Variants in CLSTN2 observed in about 807,000 individuals in gnomAD.
CLSTN2 encodes calsyntenin 2.
Under a neutral mutation model 101.2 loss-of-function variants are expected in CLSTN2, and 48 were observed. The observed-to-expected ratio is 0.47, with a 90% CI of 0.38 to 0.60. CLSTN2 has a LOEUF of 0.60. Among genes scored for constraint, CLSTN2 ranks in the 20% least tolerant of loss-of-function variants. CLSTN2 has a pLI of 0.00. For synonymous variants in CLSTN2, 481 were observed against 463.6 expected (o/e 1.04, Z -0.48); for missense variants, 1,160 against 1,238.2 (o/e 0.94, Z 0.95).
intron 1 of CLSTN2, among the ~76,000 whole-genome samples, chr3:139,972,011 C>T (rs139287321): frequency 1.3e-5 from 2 of 152,264 alleles, no homozygotes; most frequent in East Asian, 3.9e-4. Context: ...TGCCTGTAAT[C>T]CCAGTACTTT....
At chr3:140,418,096 C>A (rs2088451011) in intron 4 of CLSTN2, among the ~76,000 whole-genome samples, 1 of 151,900 alleles carries the variant, frequency 6.6e-6, no homozygotes, top group Non-Finnish European at 1.5e-5. Flanking sequence ...AGAGGAGTAT[C>A]TTTTGAGGGC....
At chr3:140,208,893 G>A (rs1458873614) in intron 2 of CLSTN2, among the ~76,000 whole-genome samples, 1 of 152,076 alleles carries the variant, frequency 6.6e-6, no homozygotes, top group African/African-American at 2.4e-5. Context: ...TGACACATAG[G>A]AAGAGCTCAG....
chr3:140,448,808 T>A, intron 6 of CLSTN2, 104 bp downstream of exon 6: 2 of 984,928 alleles, frequency 2.0e-6, no homozygotes, highest in Non-Finnish European at 3.1e-6. Flanking sequence ...CCTCCCTTCC[T>A]GCACTGATAT....
chr3:140,055,993 G>C (rs1420178131), intron 1 of CLSTN2, among the ~76,000 whole-genome samples: 1 of 152,176 alleles, frequency 6.6e-6, no homozygotes, highest in East Asian at 1.9e-4. Flanking sequence ...CTTTGAGGAG[G>C]CTGGATTGGA....
intron 2 of CLSTN2, among the ~76,000 whole-genome samples, chr3:140,305,126 C>T (rs1409241654): frequency 6.6e-6 from 1 of 151,736 alleles, no homozygotes; most frequent in African/African-American, 2.4e-5. Context: ...TCCTCCTGTT[C>T]CCTCTTTAGT....
chr3:140,565,459 G>T (rs2107795741), intron 16 of CLSTN2, among the ~76,000 whole-genome samples: 1 of 152,168 alleles, frequency 6.6e-6, no homozygotes, highest in Non-Finnish European at 1.5e-5. Context: ...GAGGGAGGGG[G>T]AATTGGACTG....
intron 2 of CLSTN2, among the ~76,000 whole-genome samples, chr3:140,282,053 G>A (rs1452902708): frequency 6.6e-6 from 1 of 152,064 alleles, no homozygotes; most frequent in Non-Finnish European, 1.5e-5. Flanking sequence ...GTGTGTATAG[G>A]GTAGATAGGT....
At chr3:140,420,160 C>T (rs963027167) in intron 4 of CLSTN2, among the ~76,000 whole-genome samples, 46 of 151,930 alleles carry the variant, frequency 3.0e-4, no homozygotes, top group African/African-American at 1.1e-3. Context: ...TTCCAAAGTG[C>T]TGGGATTACA....
At chr3:140,410,140 G>A (rs2088346997) in intron 4 of CLSTN2, among the ~76,000 whole-genome samples, 1 of 152,030 alleles carries the variant, frequency 6.6e-6, no homozygotes, top group Non-Finnish European at 1.5e-5. Context: ...AAGGCATACT[G>A]GTGGATATGT....
At chr3:140,444,577 G>T (rs148525989) in intron 5 of CLSTN2, among the ~76,000 whole-genome samples, 11 of 152,352 alleles carry the variant, frequency 7.2e-5, no homozygotes, top group African/African-American at 2.2e-4. Flanking sequence ...TTGGCACCTT[G>T]TCAGTGCTTA....
chr3:140,133,073 C>T (rs2009546362), intron 1 of CLSTN2, among the ~76,000 whole-genome samples: 1 of 152,152 alleles, frequency 6.6e-6, no homozygotes, highest in African/African-American at 2.4e-5. Flanking sequence ...ATGGCACCAG[C>T]ATCTGTTCAG....
chr3:140,558,007 A>G (rs1048982974), intron 11 of CLSTN2, among the ~76,000 whole-genome samples: 10 of 152,242 alleles, frequency 6.6e-5, no homozygotes, highest in Admixed American at 2.6e-4. Flanking sequence ...GGTTCACAGG[A>G]GTCAAGTGCC....
chr3:140,117,934 G>A (rs2009273643), intron 1 of CLSTN2, among the ~76,000 whole-genome samples: 1 of 152,146 alleles, frequency 6.6e-6, no homozygotes. Flanking sequence ...TCCTTCTTAG[G>A]CCAGCAATGG....
At chr3:140,548,302 C>A (rs935537114) in intron 10 of CLSTN2, among the ~76,000 whole-genome samples, 5 of 152,266 alleles carry the variant, frequency 3.3e-5, no homozygotes, top group East Asian at 3.8e-4. Context: ...ATTATGAACA[C>A]TAACATTTCC....
chr3:140,431,997 A>G (rs527806977), intron 5 of CLSTN2, among the ~76,000 whole-genome samples: 2 of 152,330 alleles, frequency 1.3e-5, no homozygotes, highest in East Asian at 3.9e-4. Flanking sequence ...AGACACCATC[A>G]TGCAAAAGAA....
chr3:140,083,546 T>G (rs1429813372), intron 1 of CLSTN2, among the ~76,000 whole-genome samples: 1 of 152,248 alleles, frequency 6.6e-6, no homozygotes, highest in Non-Finnish European at 1.5e-5. Flanking sequence ...TTACCATATG[T>G]CTGTCTTTTC....
Position 140,245,778 on chromosome 3 carries a change from G to A in CLSTN2, c.232+69705G>A, listed in dbSNP as rs192939958. 3.6e-4 allele frequency among the ~76,000 whole-genome samples: 55 copies of A among 152,284 alleles called. No individual in the cohort carries two copies. In the East Asian group the frequency reaches 9.9e-3, roughly 27 times the overall value. Reference sequence around the variant, plus strand: ...TTCTGTTGGGACAGTGCCCTGCTCTGATTCAGAAAGGTGCCAGTCTTCCTG... The same window carrying A: ...TTCTGTTGGGACAGTGCCCTGCTCTAATTCAGAAAGGTGCCAGTCTTCCTG... On this transcript the variant is annotated intron_variant, in intron 2 of 16. Coordinates refer to ENST00000458420, the MANE Select transcript of CLSTN2 (RefSeq NM_022131.3).
intron 8 of CLSTN2, among the ~76,000 whole-genome samples, chr3:140,528,012 G>A (rs1163978181): frequency 6.6e-6 from 1 of 152,104 alleles, no homozygotes; most frequent in Non-Finnish European, 1.5e-5. Context: ...TGTCCTCAGA[G>A]TCACACAATA....
chr3:140,037,472 T>TA (rs1181224589), intron 1 of CLSTN2, among the ~76,000 whole-genome samples: 1 of 152,094 alleles, frequency 6.6e-6, no homozygotes, highest in Non-Finnish European at 1.5e-5. Flanking sequence ...ATCTCGTATT[T>TA]AAAAAAATAA....
Sources: allele counts gnomAD v4.1 joint callset (sites outside exome capture counted in the v4.1 genomes callset), GRCh38; gene constraint gnomAD v4.1.1; transcripts MANE v1.5; gene names NCBI Gene and HGNC (gene_info 2026-07-23, HGNC 2026-07-21).